CDH12: variants seen among roughly 807,000 people sequenced by gnomAD.
The protein encoded by CDH12 is cadherin 12, also known as cadherin-12.
Under a neutral mutation model 74.1 loss-of-function variants are expected in CDH12, and 41 were observed. That is an observed-to-expected ratio of 0.55 (90% CI 0.43 to 0.72). CDH12 has a LOEUF of 0.72. Among genes scored for constraint, CDH12 ranks in the 30% least tolerant of loss-of-function variants. The pLI, the probability that CDH12 is intolerant of heterozygous loss-of-function variation, is 0.00. For missense variants in CDH12, 945 were observed against 977.2 expected (o/e 0.97, Z 0.44); for synonymous variants, 399 against 355.0 (o/e 1.12, Z -1.39).
rs57563379 is a variant in CDH12, at chr5:22,256,843, A to G, written c.-332-44200T>C. On this transcript the variant is annotated intron_variant, in intron 3 of 14. Transcript: ENST00000382254. ...CCCAGCAATCCCATTACTAGGGAAT[A>G]TACCCAAAGGATACAAATCATTCTG... 4.9e-3 allele frequency among the ~76,000 whole-genome samples: 748 copies of G among 152,332 alleles called. 9 individuals are homozygous for G. Among genetic ancestry groups the G allele is most frequent in the African/African-American group, 0.017 (713 of 41,570 alleles).
chr5:21,943,896 C>A (rs1487064666), intron 6 of CDH12, among the ~76,000 whole-genome samples: 1 of 151,858 alleles, frequency 6.6e-6, no homozygotes, highest in Non-Finnish European at 1.5e-5. Context: ...AGTGATGGGC[C>A]CCTGCAAATG....
chr5:22,145,178 T>A lies in CDH12; in HGVS notation c.-186-66316A>T, dbSNP rs1268100610. ...CAGTTGCATTGTGTGAGAAAATAGC[T>A]ACGGCCATTTGTGACAAAATCACAT... is the stretch of plus-strand genomic sequence containing the variant. On this transcript the variant is annotated intron_variant, in intron 4 of 14. Transcript: ENST00000382254. Among the ~76,000 whole-genome samples the A allele has an allele frequency of 3.3e-5, 5 of 152,104 alleles. No homozygotes were observed. The East Asian group carries it at 9.6e-4, about 29-fold the overall frequency.
At chr5:22,689,094 T>C (rs528990126) in intron 1 of CDH12, among the ~76,000 whole-genome samples, 12 of 152,308 alleles carry the variant, frequency 7.9e-5, no homozygotes, top group African/African-American at 2.9e-4. Context: ...TCTGTAATTA[T>C]GTTAACATCA....
intron 1 of CDH12, among the ~76,000 whole-genome samples, chr5:22,560,544 C>T (rs996502250): frequency 6.6e-6 from 1 of 151,810 alleles, no homozygotes; most frequent in African/African-American, 2.4e-5. Flanking sequence ...AAAATATTAA[C>T]AGCAAAAAGG....
chr5:22,578,267 C>T (rs1475112630), intron 1 of CDH12, among the ~76,000 whole-genome samples: 3 of 151,996 alleles, frequency 2.0e-5, no homozygotes, highest in Admixed American at 2.0e-4. Context: ...ACTTTTTATG[C>T]ATCTTTATCT....
intron 1 of CDH12, among the ~76,000 whole-genome samples, chr5:22,553,386 A>G (rs1580759016): frequency 6.6e-6 from 1 of 152,126 alleles, no homozygotes; most frequent in African/African-American, 2.4e-5. Context: ...TTATTTCAGT[A>G]TGTAATCCTG....
chr5:22,746,645 A>G (rs575350776), intron 1 of CDH12, among the ~76,000 whole-genome samples: 1 of 152,368 alleles, frequency 6.6e-6, no homozygotes, highest in East Asian at 1.9e-4. Context: ...ATTTTGAAAT[A>G]TAACAGCCAT....
At chr5:22,810,259 C>T (rs1040447343) in intron 1 of CDH12, among the ~76,000 whole-genome samples, 3 of 151,912 alleles carry the variant, frequency 2.0e-5, no homozygotes, top group Non-Finnish European at 4.4e-5. Context: ...AAAGATATAC[C>T]GAGCACACCA....
chr5:22,030,077 C>A (rs558183454), intron 5 of CDH12, among the ~76,000 whole-genome samples: 15 of 136,626 alleles, frequency 1.1e-4, no homozygotes, highest in Non-Finnish European at 2.1e-4. Flanking sequence ...AACACATGGA[C>A]ACGAGAAGGG....
At chr5:21,903,399 C>A (rs1011238174) in intron 6 of CDH12, among the ~76,000 whole-genome samples, 5 of 152,066 alleles carry the variant, frequency 3.3e-5, no homozygotes, top group African/African-American at 1.2e-4. Flanking sequence ...GCAAATAGAT[C>A]CCAACAGTTC....
chr5:22,250,450 C>A (rs1011364082), intron 3 of CDH12, among the ~76,000 whole-genome samples: 1 of 152,054 alleles, frequency 6.6e-6, no homozygotes, highest in African/African-American at 2.4e-5. Context: ...GTGGATGCTG[C>A]GTTCTAATCG....
intron 4 of CDH12, among the ~76,000 whole-genome samples, chr5:22,171,126 G>T (rs1256316952): frequency 2.0e-5 from 3 of 151,840 alleles, no homozygotes; most frequent in Non-Finnish European, 2.9e-5. Flanking sequence ...CCACTGAACA[G>T]CATCATTGAC....
intron 1 of CDH12, among the ~76,000 whole-genome samples, chr5:22,744,161 G>A (rs1560999449): frequency 6.6e-6 from 1 of 152,088 alleles, no homozygotes; most frequent in Non-Finnish European, 1.5e-5. Flanking sequence ...CAGGCGCGGT[G>A]GCTCACGCCT....
intron 4 of CDH12, among the ~76,000 whole-genome samples, chr5:22,097,362 A>G (rs888165746): frequency 6.6e-6 from 1 of 152,146 alleles, no homozygotes; most frequent in Non-Finnish European, 1.5e-5. Flanking sequence ...ACCATCACGG[A>G]TGCTGAGCTT....
intron 4 of CDH12, among the ~76,000 whole-genome samples, chr5:22,130,973 A>G (rs1301511664): frequency 6.6e-6 from 1 of 151,836 alleles, no homozygotes; most frequent in Non-Finnish European, 1.5e-5. Flanking sequence ...TTATCTCAGC[A>G]TCTTGTTTTT....
chr5:21,772,045 C>A (rs186265299), intron 11 of CDH12, among the ~76,000 whole-genome samples: 1 of 152,282 alleles, frequency 6.6e-6, no homozygotes, highest in East Asian at 1.9e-4. Flanking sequence ...CCCTTCCCAT[C>A]ATCATAGCCT....
chr5:22,564,587 G>A (rs751047836), intron 1 of CDH12, among the ~76,000 whole-genome samples: 3 of 151,732 alleles, frequency 2.0e-5, no homozygotes, highest in South Asian at 2.1e-4. Flanking sequence ...TTACTTATGC[G>A]ATTTTCTTGC....
At chr5:22,260,734 G>T (rs1019514663) in intron 3 of CDH12, among the ~76,000 whole-genome samples, 3 of 151,928 alleles carry the variant, frequency 2.0e-5, no homozygotes, top group African/African-American at 7.2e-5. Flanking sequence ...AGATACAAAT[G>T]ATCAATTAGA....
intron 6 of CDH12, among the ~76,000 whole-genome samples, chr5:21,908,532 C>T (rs1753736548): frequency 6.6e-6 from 1 of 152,228 alleles, no homozygotes; most frequent in Non-Finnish European, 1.5e-5. Context: ...TCCAGAAGCT[C>T]TCTCCAAGGC....
Sources: allele counts gnomAD v4.1 joint callset (sites outside exome capture counted in the v4.1 genomes callset), GRCh38; gene constraint gnomAD v4.1.1; transcripts MANE v1.5; gene names NCBI Gene and HGNC (gene_info 2026-07-23, HGNC 2026-07-21).